SNX29: variants seen among roughly 807,000 people sequenced by gnomAD.
SNX29 encodes the protein sorting nexin 29.
In SNX29, 78 loss-of-function variants were observed where a neutral mutation model predicts 102.1. That is an observed-to-expected ratio of 0.76 (90% confidence interval 0.64 to 0.92). The LOEUF is 0.92. Ranked by LOEUF, SNX29 falls within the 40% of genes least tolerant of loss-of-function variation. The pLI is 0.00. For synonymous variants in SNX29, 580 were observed against 414.5 expected (o/e 1.40, Z -4.85); for missense variants, 1,280 against 1,061.7 (o/e 1.21, Z -2.86).
At position 12,295,769 on chromosome 16, in the gene SNX29, TC is replaced by T. The variant is rs1451327385; in HGVS notation, c.1782+17734del. ...TTAGCAAAGGATATTGAAATTGGGT[TC>T]TTTTTTTTTTTCCTCACTCCCTTCA... On this transcript the variant is annotated intron_variant, in intron 15 of 20. Coordinates refer to ENST00000566228, the MANE Select transcript of SNX29 (RefSeq NM_032167.5). Among the ~76,000 whole-genome samples, 8 of 152,198 alleles carry T rather than the reference TC, an allele frequency of 5.3e-5. No individual in the cohort carries two copies. In the East Asian group the frequency reaches 1.5e-3, roughly 29 times the overall value.
intron 10 of SNX29, among the ~76,000 whole-genome samples, chr16:12,072,428 T>C (rs1449572958): frequency 1.3e-5 from 2 of 152,198 alleles, no homozygotes; most frequent in African/African-American, 2.4e-5. Context: ...GAGATAATCA[T>C]GTGGTTTTTG....
chr16:12,495,266 C>G (rs1333369456), intron 19 of SNX29, among the ~76,000 whole-genome samples: 1 of 152,182 alleles, frequency 6.6e-6, no homozygotes, highest in Non-Finnish European at 1.5e-5. Flanking sequence ...ATCCTCCTGC[C>G]TCATCCTCCC....
chr16:12,566,759 C>G (rs995376960), intron 20 of SNX29, among the ~76,000 whole-genome samples: 2 of 152,174 alleles, frequency 1.3e-5, no homozygotes, highest in African/African-American at 4.8e-5. Context: ...AGACACCCAC[C>G]TAAAGGAGGA....
intron 13 of SNX29, among the ~76,000 whole-genome samples, chr16:12,132,586 T>C (rs2054508983): frequency 6.6e-6 from 1 of 152,188 alleles, no homozygotes. Flanking sequence ...GATGTGAGGG[T>C]GCATATGGCA....
intron 11 of SNX29, among the ~76,000 whole-genome samples, chr16:12,088,773 C>A (rs975769345): frequency 2.6e-5 from 4 of 151,924 alleles, no homozygotes; most frequent in African/African-American, 9.7e-5. Flanking sequence ...TAGCAAGACC[C>A]TTCCTCTACA....
intron 3 of SNX29, among the ~76,000 whole-genome samples, chr16:12,014,379 C>G (rs1223099421): frequency 6.6e-6 from 1 of 151,964 alleles, no homozygotes; most frequent in Non-Finnish European, 1.5e-5. Context: ...GCATCTAGAC[C>G]AAGAGTTGGA....
At chr16:12,051,047 G>A (rs1048220909) in intron 7 of SNX29, among the ~76,000 whole-genome samples, 2 of 152,194 alleles carry the variant, frequency 1.3e-5, no homozygotes, top group Non-Finnish European at 2.9e-5. Context: ...TTTGGTAGAA[G>A]CAGGGCATGG....
At chr16:12,425,042 A>G (rs1239874481) in intron 18 of SNX29, among the ~76,000 whole-genome samples, 1 of 152,270 alleles carries the variant, frequency 6.6e-6, no homozygotes, top group Non-Finnish European at 1.5e-5. Flanking sequence ...GTATGGCTGG[A>G]TCTCATAAAC....
intron 18 of SNX29, among the ~76,000 whole-genome samples, chr16:12,462,082 T>A (rs940666383): frequency 1.5e-5 from 2 of 137,416 alleles, no homozygotes. Flanking sequence ...AGTGTGGAGA[T>A]CAATATCTCA....
intron 19 of SNX29, among the ~76,000 whole-genome samples, chr16:12,507,979 G>C (rs1308554128): frequency 6.6e-6 from 1 of 152,224 alleles, no homozygotes; most frequent in Admixed American, 6.5e-5. Context: ...CAGCAGAGTA[G>C]CTGGGCCTGG....
chr16:12,013,541 A>ATATATATATATC (rs1325376334), intron 3 of SNX29, among the ~76,000 whole-genome samples: 1 of 119,224 alleles, frequency 8.4e-6, no homozygotes, highest in Admixed American at 8.7e-5. Context: ...ATATATATAT[A>ATATATATATATC]TCGAGAGAGG....
chr16:12,552,682 C>T (rs28613442), intron 20 of SNX29, among the ~76,000 whole-genome samples: 2,152 of 152,252 alleles, frequency 0.014, 50 homozygotes, highest in African/African-American at 0.049. Context: ...AGGGCGTTTA[C>T]AAGGGTCGGG....
At chr16:12,238,418 C>T (rs758383877) in intron 14 of SNX29, among the ~76,000 whole-genome samples, 2 of 152,026 alleles carry the variant, frequency 1.3e-5, no homozygotes, top group South Asian at 2.1e-4. Context: ...CTCCGCCCCC[C>T]GAGTTCAAGC....
At chr16:12,391,104 C>A (rs978415217) in intron 16 of SNX29, among the ~76,000 whole-genome samples, 1 of 151,978 alleles carries the variant, frequency 6.6e-6, no homozygotes, top group African/African-American at 2.4e-5. Context: ...TGCCACCACA[C>A]CCAGCTACTT....
chr16:12,061,509 C>T lies in SNX29; in HGVS notation c.1125-19C>T. 5.7e-6 allele frequency: 9 copies of T among 1,570,296 alleles called. No homozygotes were observed. Among genetic ancestry groups the T allele is most frequent in the Non-Finnish European group, 5.2e-6 (6 of 1,158,140 alleles). On this transcript the variant is annotated intron_variant, in intron 8 of 20. Transcript: ENST00000566228. ...GTGGGCTCTTTGGCCTGTCCTGCAGCTGTATTCTTTCACCTTAGGCCACTG... is the reference window on the plus strand; with the variant it reads ...GTGGGCTCTTTGGCCTGTCCTGCAGTTGTATTCTTTCACCTTAGGCCACTG...
rs185341090 is a variant in SNX29 at position 12,072,142 on chromosome 16, A to T, written c.1319+3010A>T. On this transcript the variant is annotated intron_variant, in intron 10 of 20. Transcript: ENST00000566228. ...GGACAATTTGACTTCCTCTTTTCCT[A>T]ACTGAATACCCTTTATTTCCTTCTC... is the stretch of plus-strand genomic sequence containing the variant. Among the ~76,000 whole-genome samples, 8 of 152,274 alleles carry T rather than the reference A, an allele frequency of 5.3e-5. No homozygotes were observed. In the East Asian group the frequency reaches 1.5e-3, roughly 29 times the overall value.
intron 1 of SNX29, among the ~76,000 whole-genome samples, chr16:11,984,760 G>A (rs944937898): frequency 2.0e-5 from 3 of 151,974 alleles, no homozygotes; most frequent in African/African-American, 7.3e-5. Flanking sequence ...GGGCTCAAAT[G>A]ACCCTCCCAC....
chr16:12,179,378 G>A (rs891183786), intron 13 of SNX29, among the ~76,000 whole-genome samples: 5 of 152,200 alleles, frequency 3.3e-5, no homozygotes, highest in African/African-American at 7.2e-5. Context: ...CTAGCTACTC[G>A]GGAGGCCGAG....
intron 19 of SNX29, among the ~76,000 whole-genome samples, chr16:12,479,899 G>T (rs2087826977): frequency 6.6e-6 from 1 of 152,178 alleles, no homozygotes; most frequent in Non-Finnish European, 1.5e-5. Flanking sequence ...AAAACTCTTA[G>T]GTTGTGGCTT....
Sources: allele counts gnomAD v4.1 joint callset (sites outside exome capture counted in the v4.1 genomes callset), GRCh38; gene constraint gnomAD v4.1.1; transcripts MANE v1.5; gene names NCBI Gene and HGNC (gene_info 2026-07-23, HGNC 2026-07-21).